DGKD: variants seen among roughly 807,000 people sequenced by gnomAD.
The protein encoded by DGKD is diacylglycerol kinase delta, also known as DAG kinase delta.
DGKD carries 68 observed loss-of-function variants against 154.4 expected under a neutral mutation model. The ratio of observed to expected loss-of-function variants is 0.44; its 90% CI spans 0.36 to 0.54. DGKD has a LOEUF of 0.54. Ranked by LOEUF, DGKD falls within the 20% of genes least tolerant of loss-of-function variation. The probability of loss-of-function intolerance (pLI) is 0.00; values close to 1 mark genes in which losing one functional copy is unlikely to be tolerated. For missense variants in DGKD, 1,343 were observed against 1,593.6 expected (o/e 0.84, Z 2.68); for synonymous variants, 693 against 638.0 (o/e 1.09, Z -1.30).
chr2:233,398,343 C>T (rs1191351499), intron 3 of DGKD, among the ~76,000 whole-genome samples: 1 of 151,802 alleles, frequency 6.6e-6, no homozygotes, highest in Non-Finnish European at 1.5e-5. Flanking sequence ...GACGGGGTTT[C>T]ACAGCGTTAG....
intron 24 of DGKD, among the ~76,000 whole-genome samples, chr2:233,461,232 G>A (rs568159223): frequency 5.3e-5 from 8 of 152,212 alleles, no homozygotes; most frequent in Admixed American, 6.5e-5. Context: ...TTCTCCCCCC[G>A]TGGCCGCACG....
rs2063184537 is a variant in DGKD at position 233,449,193 on chromosome 2, A to G, written c.1705A>G (p.Thr569Ala). The G allele has an allele frequency of 6.2e-7, 1 of 1,613,402 alleles. No homozygotes were observed. Among genetic ancestry groups the G allele is most frequent in the East Asian group, 2.2e-5 (1 of 44,862 alleles). ...GTCCTCTCTGCCCAACCCGCCCCCC[A>G]CCATTGCCGAGGAGGCTGAAGATGG... is the stretch of plus-strand genomic sequence containing the variant. ...ASSSLPNPPP[T>A]IAEEAEDGDG... Residue 569 changes from threonine (T) to alanine (A), a missense_variant, in exon 15 of 30, where the codon ACC becomes GCC. Physicochemically the swap from Thr to Ala is moderately conservative, Grantham distance 58. Around this residue, in one of 6 missense-constraint regions of DGKD, gnomAD observed 409 missense variants for 446.0 expected, o/e 0.92. Transcript: ENST00000264057. This position sits in a 1 kb window ranked among gnomAD's most constrained non-coding sequence, Gnocchi z 5.3.
At chr2:233,398,058 T>A (rs958360882) in intron 3 of DGKD, among the ~76,000 whole-genome samples, 1 of 152,034 alleles carries the variant, frequency 6.6e-6, no homozygotes, top group Non-Finnish European at 1.5e-5. Flanking sequence ...CTACATTTAC[T>A]TGCAACCTCC....
chr2:233,451,671 A>G (rs2063300034), intron 17 of DGKD, among the ~76,000 whole-genome samples: 1 of 150,816 alleles, frequency 6.6e-6, no homozygotes, highest in Non-Finnish European at 1.5e-5. Flanking sequence ...GACTCAAGTG[A>G]TCCTCCCCAC....
intron 3 of DGKD, among the ~76,000 whole-genome samples, chr2:233,415,246 C>T (rs1333573025): frequency 6.6e-6 from 1 of 152,206 alleles, no homozygotes; most frequent in African/African-American, 2.4e-5. Flanking sequence ...ACATGGGACT[C>T]CTTAGCCCAC....
At chr2:233,370,980 G>A (rs968497197) in intron 1 of DGKD, among the ~76,000 whole-genome samples, 27 of 148,722 alleles carry the variant, frequency 1.8e-4, no homozygotes, top group African/African-American at 6.4e-4. Flanking sequence ...TCGAACACTC[G>A]GGCTCAAGTG....
At chr2:233,434,667 CCT>C (rs2062631388) in intron 4 of DGKD, 100 bp from the exon 5 acceptor site, 1 of 1,541,060 alleles carries the variant, frequency 6.5e-7, no homozygotes, top group Non-Finnish European at 8.8e-7. Flanking sequence ...AAACCTTCCT[CCT>C]CTCCTCTCTT....
intron 3 of DGKD, among the ~76,000 whole-genome samples, chr2:233,414,615 A>G (rs838733): frequency 0.31 from 47,682 of 152,136 alleles, 8,452 homozygotes; most frequent in Middle Eastern, 0.43. Flanking sequence ...GAAATGTCTC[A>G]GGTATCGTGG....
In DGKD at chr2:233,448,710, G is replaced by C. The variant is rs545756084; in HGVS notation, c.1614+335G>C. On this transcript the variant is annotated intron_variant, in intron 14 of 29. Coordinates refer to ENST00000264057, the MANE Select transcript of DGKD (RefSeq NM_152879.3). ...TAAATGAAGTGGTAGCTTGCATTCAGTCTGATTGGTGGCAGAAAGCAGCCA... is the reference window on the plus strand; with the variant it reads ...TAAATGAAGTGGTAGCTTGCATTCACTCTGATTGGTGGCAGAAAGCAGCCA... 5.3e-5 allele frequency among the ~76,000 whole-genome samples: 8 copies of C among 152,332 alleles called. No individual in the cohort carries two copies. In the South Asian group the frequency reaches 1.7e-3, roughly 32 times the overall value.
intron 3 of DGKD, among the ~76,000 whole-genome samples, chr2:233,415,601 G>C (rs1002863709): frequency 6.6e-6 from 1 of 152,208 alleles, no homozygotes; most frequent in Non-Finnish European, 1.5e-5. Context: ...TTAAGGCATA[G>C]ATAAATTTGA....
intron 7 of DGKD, 92 bp from the exon 8 acceptor site, chr2:233,437,285 C>T (rs944395440): frequency 3.0e-5 from 36 of 1,212,014 alleles, no homozygotes; most frequent in Admixed American, 1.3e-4. Context: ...CTGCCTCCCC[C>T]GAGGCCAGCT....
Position 233,446,699 on chromosome 2 carries a change from C to G in DGKD, c.1335-13C>G, listed in dbSNP as rs2063083904. The G allele has an allele frequency of 6.2e-7, 1 of 1,612,866 alleles. No individual in the cohort carries two copies. The highest frequency in any genetic ancestry group is 2.2e-5 in the East Asian group (1 of 44,870). On this transcript the variant is annotated splice_polypyrimidine_tract_variant and intron_variant, in intron 11 of 29. Coordinates refer to ENST00000264057, the MANE Select transcript of DGKD (RefSeq NM_152879.3). The stretch of plus-strand genomic sequence containing the variant: ...ACGTCTTGCCGCCTGTGCAGCTGAC[C>G]TTGTGTGTGCAGGTGGAGCGTCATG...
rs562315295 is a variant in DGKD, at chr2:233,368,335, C to A, written c.156+13661C>A. ...GACCAGCCTGGCCGATATGGTAAAA[C>A]CCCATCTCTACTAAAAATACAAAAA... On this transcript the variant is annotated intron_variant, in intron 1 of 29. Transcript: ENST00000264057. Among the ~76,000 whole-genome samples, 5 of 152,130 alleles carry A rather than the reference C, an allele frequency of 3.3e-5. No individual in the cohort carries two copies. In the East Asian group the frequency reaches 9.7e-4, roughly 29 times the overall value.
chr2:233,357,521 TTTTC>T (rs1277142871), intron 1 of DGKD, among the ~76,000 whole-genome samples: 28 of 150,532 alleles, frequency 1.9e-4, no homozygotes, highest in East Asian at 7.7e-4. Flanking sequence ...GTGCATTTCT[TTTTC>T]TTTCTTTCTT....
intron 3 of DGKD, among the ~76,000 whole-genome samples, chr2:233,408,108 T>C (rs1367547810): frequency 6.7e-6 from 1 of 150,044 alleles, no homozygotes; most frequent in Non-Finnish European, 1.5e-5. Flanking sequence ...CGTGCTGCGC[T>C]CTCAGCTCAC....
At chr2:233,442,032 A>G (rs1250756674) in intron 10 of DGKD, 37 bp downstream of exon 10, 2 of 1,559,470 alleles carry the variant, frequency 1.3e-6, no homozygotes, top group Admixed American at 1.7e-5. Context: ...AGGAGCAGAG[A>G]GGGTGCGGAG....
At chr2:233,385,327 G>A (rs544517438) in intron 1 of DGKD, among the ~76,000 whole-genome samples, 31 of 152,260 alleles carry the variant, frequency 2.0e-4, no homozygotes, top group African/African-American at 7.0e-4. Flanking sequence ...CAGTGCTCTC[G>A]CCAACTTCCT....
chr2:233,460,538 G>A (rs1308312206), intron 24 of DGKD, among the ~76,000 whole-genome samples, 193 bp downstream of exon 24: 1 of 152,212 alleles, frequency 6.6e-6, no homozygotes, highest in Non-Finnish European at 1.5e-5. Context: ...AACTCGCCTG[G>A]AGTTTACATG....
At chr2:233,364,164 G>A (rs1042887941) in intron 1 of DGKD, among the ~76,000 whole-genome samples, 1 of 152,182 alleles carries the variant, frequency 6.6e-6, no homozygotes, top group African/African-American at 2.4e-5. Flanking sequence ...AAAGTCTATT[G>A]AAATTTAAGT....
Sources: allele counts gnomAD v4.1 joint callset (sites outside exome capture counted in the v4.1 genomes callset), GRCh38; gene constraint gnomAD v4.1.1; regional missense constraint gnomAD v4.1.1; non-coding constraint Gnocchi (gnomAD v3.1); transcripts MANE v1.5; gene names NCBI Gene and HGNC (gene_info 2026-07-23, HGNC 2026-07-21).